HSBP1L1: variants seen among roughly 807,000 people sequenced by gnomAD.
The protein encoded by HSBP1L1 is heat shock factor-binding protein 1-like protein 1.
Under a neutral mutation model 9.7 loss-of-function variants are expected in HSBP1L1, and 8 were observed. The observed-to-expected ratio is 0.82, with a 90% CI of 0.48 to 1.48. The LOEUF (loss-of-function observed/expected upper bound fraction) is 1.48. Among genes scored for constraint, HSBP1L1 ranks in the 40% most tolerant of loss-of-function variants. The probability of loss-of-function intolerance (pLI) is 0.00; values close to 1 mark genes in which losing one functional copy is unlikely to be tolerated. For synonymous variants in HSBP1L1, 39 were observed against 34.4 expected (o/e 1.13, Z -0.46); for missense variants, 106 against 95.8 (o/e 1.11, Z -0.44).
intron 1 of HSBP1L1, among the ~76,000 whole-genome samples, chr18:79,965,699 A>G (rs1430597): frequency 0.2 from 30,969 of 152,148 alleles, 3,634 homozygotes; most frequent in African/African-American, 0.32. Context: ...TTTCTCCTGC[A>G]TCCTCCTCTG....
chr18:79,969,379 GAAAGAAAGA>G lies in HSBP1L1; in HGVS notation c.214-1058_214-1050del, dbSNP rs1212776657. 2.5e-4 allele frequency among the ~76,000 whole-genome samples: 14 copies of G among 56,698 alleles called. 1 individual carries two copies. The Admixed American group carries it at 3.0e-3, about 12-fold the overall frequency. 37.2% of individuals were successfully genotyped at this position (56,698 alleles called of 152,430 possible). ...AGAAAGAAAGAAAGAAAGAAAGAAA[GAAAGAAAGA>G]AAGAAAAAAAAACGATGCAGAATAG... is the stretch of plus-strand genomic sequence containing the variant. On this transcript the variant is annotated intron_variant, in intron 3 of 3. Coordinates refer to ENST00000451882, the MANE Select transcript of HSBP1L1 (RefSeq NM_001136180.2).
intron 3 of HSBP1L1, among the ~76,000 whole-genome samples, chr18:79,968,965 C>G (rs1337556861): frequency 1.4e-5 from 2 of 145,208 alleles, no homozygotes; most frequent in Non-Finnish European, 3.0e-5. Flanking sequence ...GGGCGGATCA[C>G]GAGGTCAGGA....
intron 3 of HSBP1L1, among the ~76,000 whole-genome samples, chr18:79,969,420 C>G (rs994786974): frequency 6.6e-6 from 1 of 151,490 alleles, no homozygotes; most frequent in African/African-American, 2.4e-5. Flanking sequence ...ATAGCGCCCA[C>G]GTTGAGCAGG....
chr18:79,965,963 A>G (rs2051254484), intron 1 of HSBP1L1, among the ~76,000 whole-genome samples: 2 of 151,770 alleles, frequency 1.3e-5, no homozygotes, highest in East Asian at 1.9e-4. Flanking sequence ...ACGGAGTGTC[A>G]CTCTGTCGCC....
At chr18:79,965,679 G>C (rs2051253016) in intron 1 of HSBP1L1, among the ~76,000 whole-genome samples, 1 of 152,178 alleles carries the variant, frequency 6.6e-6, no homozygotes. Context: ...GGAGCGCAGG[G>C]TCACGAGATT....
intron 1 of HSBP1L1, among the ~76,000 whole-genome samples, chr18:79,965,438 C>T (rs2051252089): frequency 6.6e-6 from 1 of 152,096 alleles, no homozygotes; most frequent in Admixed American, 6.6e-5. Context: ...CACCATGGTA[C>T]GTGGGGCTCC....
At position 79,964,697 on chromosome 18, in the gene HSBP1L1, C is replaced by A; in HGVS notation, c.-39C>A. The A allele has an allele frequency of 7.7e-7, 1 of 1,302,012 alleles. No individual in the cohort carries two copies. The highest frequency in any genetic ancestry group is 1.0e-6 in the Non-Finnish European group (1 of 984,466). The allele number at this position is 1,302,012 out of a possible 1,614,324, so 80.7% of individuals were successfully genotyped here. ...CACCTCGCGCCGGGTCCGCGCGGCC[C>A]ACGGGACCCCCCACTGACGCCCCCG... On this transcript the variant is annotated 5_prime_UTR_variant, in exon 1 of 4. Coordinates refer to ENST00000451882, the MANE Select transcript of HSBP1L1 (RefSeq NM_001136180.2).
intron 1 of HSBP1L1, among the ~76,000 whole-genome samples, chr18:79,965,574 G>C (rs2051252707): frequency 6.6e-6 from 1 of 152,184 alleles, no homozygotes; most frequent in African/African-American, 2.4e-5. Context: ...ACGTCAGTCT[G>C]TAAACTACAA....
At chr18:79,967,283 GCCC>G (rs1449260938) in intron 2 of HSBP1L1, among the ~76,000 whole-genome samples, 2 of 152,012 alleles carry the variant, frequency 1.3e-5, no homozygotes, top group Non-Finnish European at 2.9e-5. Context: ...ACCGGACAGT[GCCC>G]CCTAGACCAT....
intron 3 of HSBP1L1, among the ~76,000 whole-genome samples, chr18:79,969,306 G>GA (rs2051276656): frequency 1.6e-5 from 1 of 64,302 alleles, no homozygotes; most frequent in Non-Finnish European, 3.2e-5. Flanking sequence ...GAGAGAGAGA[G>GA]AGAAAGGAAA....
chr18:79,969,330 A>AG (rs1568356552), intron 3 of HSBP1L1, among the ~76,000 whole-genome samples: 38 of 66,782 alleles, frequency 5.7e-4, no homozygotes, highest in African/African-American at 1.5e-3. Flanking sequence ...AGAAAGAAAG[A>AG]AAAAGAAAGA....
chr18:79,969,337 A>AAGAAAGAAAG, intron 3 of HSBP1L1, among the ~76,000 whole-genome samples: 1 of 30,012 alleles, frequency 3.3e-5, no homozygotes, highest in Admixed American at 4.7e-4. Flanking sequence ...AAGAAAAAGA[A>AAGAAAGAAAG]AGAAAGAAAG....
Position 79,968,152 on chromosome 18 carries a change from C to G in HSBP1L1, c.182C>G (p.Ala61Gly). 1 of 1,547,346 alleles carries G rather than the reference C, an allele frequency of 6.5e-7. No individual in the cohort carries two copies. ...QKNVKDLMVQ[A>G]GIENSIKEQM... is the part of the protein sequence containing the mutation. ...AATGTCAAGGACTTAATGGTGCAAGCTGGCATTGAAAATTCTATTAAAGAA... is the reference window on the plus strand; with the variant it reads ...AATGTCAAGGACTTAATGGTGCAAGGTGGCATTGAAAATTCTATTAAAGAA... The change falls in exon 3 of 4, where the codon GCT becomes GGT. Residue 61 changes from alanine to glycine, a missense_variant. Transcript: ENST00000451882.
At chr18:79,967,147 CAAA>C (rs5826682) in intron 2 of HSBP1L1, among the ~76,000 whole-genome samples, 7 of 105,158 alleles carry the variant, frequency 6.7e-5, no homozygotes, top group Non-Finnish European at 7.8e-5. Context: ...GACTCCGTCT[CAAA>C]AAAAAAAAAA....
At chr18:79,969,304 G>GAT (rs2051276573) in intron 3 of HSBP1L1, among the ~76,000 whole-genome samples, 1 of 74,120 alleles carries the variant, frequency 1.3e-5, no homozygotes, top group African/African-American at 4.5e-5. Context: ...GGGAGAGAGA[G>GAT]AGAGAAAGGA....
chr18:79,969,106 G>A (rs1368916872), intron 3 of HSBP1L1, among the ~76,000 whole-genome samples: 2 of 150,122 alleles, frequency 1.3e-5, no homozygotes, highest in East Asian at 2.0e-4. Flanking sequence ...GGAGAATGCC[G>A]TGAACCCGGG....
At chr18:79,968,004 T>C (rs1411559528) in intron 2 of HSBP1L1, 85 bp from the exon 3 acceptor site, 3 of 719,512 alleles carry the variant, frequency 4.2e-6, no homozygotes, top group African/African-American at 1.8e-5. Flanking sequence ...GCATGTGCCA[T>C]GGGAGGCGGA....
chr18:79,968,016 T>C, intron 2 of HSBP1L1, 73 bp from the exon 3 acceptor site: 1 of 834,492 alleles, frequency 1.2e-6, no homozygotes, highest in East Asian at 2.8e-5. Context: ...GGAGGCGGAG[T>C]CTCTGAGGAC....
chr18:79,966,544 G>GAA (rs149080363), intron 1 of HSBP1L1, 68 bp from the exon 2 acceptor site: 3,940 of 1,016,176 alleles, frequency 3.9e-3, no homozygotes, highest in Non-Finnish European at 4.1e-3. Context: ...CTTCATCTCA[G>GAA]AAAAAAAAAA....
Sources: allele counts gnomAD v4.1 joint callset (sites outside exome capture counted in the v4.1 genomes callset), GRCh38; gene constraint gnomAD v4.1.1; transcripts MANE v1.5; gene names NCBI Gene and HGNC (gene_info 2026-07-23, HGNC 2026-07-21).